Variants in LRMDA observed in about 807,000 individuals in gnomAD.
The protein encoded by LRMDA is leucine rich melanocyte differentiation associated, also known as leucine-rich melanocyte differentiation-associated protein.
LRMDA carries 18 observed loss-of-function variants against 29.8 expected under a neutral mutation model. The observed-to-expected ratio is 0.60, with a 90% CI of 0.42 to 0.90. The LOEUF is 0.90. Ranked by LOEUF, LRMDA falls within the 40% of genes least tolerant of loss-of-function variation. The pLI, the probability that LRMDA is intolerant of heterozygous loss-of-function variation, is 0.00. For synonymous variants in LRMDA, 125 were observed against 109.4 expected (o/e 1.14, Z -0.89); for missense variants, 273 against 273.9 (o/e 1.00, Z 0.02).
At chr10:75,639,119 T>C (rs1467110942) in intron 2 of LRMDA, among the ~76,000 whole-genome samples, 2 of 152,206 alleles carry the variant, frequency 1.3e-5, no homozygotes, top group African/African-American at 4.8e-5. Flanking sequence ...TGCTCAGAGC[T>C]AGAGAAAACC....
At position 76,559,978 on chromosome 10, in the gene LRMDA, C is replaced by A. The variant is rs1843603518; in HGVS notation, c.*2690C>A. ...AATAATGTCTTGGATTGTGGGGAAT[C>A]CTATTAAAAGTACAACTATTGCAGT... On this transcript the variant is annotated 3_prime_UTR_variant, in exon 7 of 7. Transcript: ENST00000611255. 1 of 152,162 alleles carries A rather than the reference C, an allele frequency of 6.6e-6. No homozygotes were observed. The highest frequency in any genetic ancestry group is 6.5e-5 in the Admixed American group (1 of 15,268). The allele number at this position is 152,162 out of a possible 1,614,324, so 9.4% of individuals were successfully genotyped here. A position where few individuals can be genotyped will look rare whatever the true frequency, so the allele number is the denominator to read the frequency against.
intron 2 of LRMDA, among the ~76,000 whole-genome samples, chr10:75,535,743 T>G (rs1839937371): frequency 6.6e-6 from 1 of 152,204 alleles, no homozygotes; most frequent in African/African-American, 2.4e-5. Flanking sequence ...CCATTTTGGA[T>G]AAAGTTGAAG....
intron 6 of LRMDA, among the ~76,000 whole-genome samples, chr10:76,532,186 C>T (rs1211883161): frequency 2.0e-5 from 3 of 152,084 alleles, no homozygotes; most frequent in Non-Finnish European, 4.4e-5. Context: ...ACTCCCATAC[C>T]CCCCGACAGG....
At chr10:76,177,782 A>G (rs1353500399) in intron 5 of LRMDA, among the ~76,000 whole-genome samples, 1 of 152,228 alleles carries the variant, frequency 6.6e-6, no homozygotes, top group African/African-American at 2.4e-5. Context: ...GAGAACCAGC[A>G]TAGGTTGAAT....
At chr10:75,839,726 T>TTTTTTA (rs1844503311) in intron 2 of LRMDA, among the ~76,000 whole-genome samples, 1 of 135,342 alleles carries the variant, frequency 7.4e-6, no homozygotes, top group African/African-American at 2.9e-5. Context: ...TTTTTTTTTT[T>TTTTTTA]GAGACAGAGT....
intron 6 of LRMDA, among the ~76,000 whole-genome samples, chr10:76,486,357 G>A (rs1303754786): frequency 3.3e-5 from 5 of 151,844 alleles, no homozygotes; most frequent in African/African-American, 1.2e-4. Context: ...TCTAGGACTT[G>A]GGCCATGGAT....
intron 3 of LRMDA, among the ~76,000 whole-genome samples, chr10:76,045,939 A>T (rs1218893029): frequency 3.3e-5 from 5 of 152,222 alleles, no homozygotes; most frequent in Admixed American, 3.3e-4. Flanking sequence ...CCAAGGTTAG[A>T]TAACATCCTC....
Position 75,470,155 on chromosome 10 carries a change from A to G in LRMDA, c.131+31661A>G, listed in dbSNP as rs573320237. ...TTTGTATTAGGGTTGAGTTGCCAGA[A>G]TAAGTTCTGCCTACGTTGCATTTAT... On this transcript the variant is annotated intron_variant, in intron 2 of 6. Coordinates refer to ENST00000611255, the MANE Select transcript of LRMDA (RefSeq NM_001305581.2). Among the ~76,000 whole-genome samples, 5 of 152,326 alleles carry G rather than the reference A, an allele frequency of 3.3e-5. No individual in the cohort carries two copies. The East Asian group carries it at 7.7e-4, about 23-fold the overall frequency.
intron 2 of LRMDA, among the ~76,000 whole-genome samples, chr10:75,759,974 C>G (rs1843076275): frequency 6.6e-6 from 1 of 152,154 alleles, no homozygotes; most frequent in South Asian, 2.1e-4. Context: ...AAGTTATACT[C>G]AGACCAATTC....
chr10:76,470,103 C>G (rs1325743522), intron 6 of LRMDA, among the ~76,000 whole-genome samples: 1 of 152,032 alleles, frequency 6.6e-6, no homozygotes, highest in Non-Finnish European at 1.5e-5. Flanking sequence ...AACTCTCTTT[C>G]AAATATGAAG....
At chr10:75,737,033 T>G (rs1842771964) in intron 2 of LRMDA, among the ~76,000 whole-genome samples, 1 of 151,854 alleles carries the variant, frequency 6.6e-6, no homozygotes, top group Non-Finnish European at 1.5e-5. Context: ...CTCCCTTCCT[T>G]TGTATACACA....
chr10:76,127,721 C>T (rs1849910541), intron 5 of LRMDA, among the ~76,000 whole-genome samples: 1 of 151,968 alleles, frequency 6.6e-6, no homozygotes, highest in African/African-American at 2.4e-5. Context: ...GAAGTCTGCA[C>T]TCAGATTGCC....
At chr10:76,351,924 A>G (rs1005718137) in intron 6 of LRMDA, among the ~76,000 whole-genome samples, 6 of 152,172 alleles carry the variant, frequency 3.9e-5, no homozygotes, top group African/African-American at 1.2e-4. Flanking sequence ...TCTAGGGGAC[A>G]GAGTACAGGA....
At chr10:76,143,861 A>T (rs1012918481) in intron 5 of LRMDA, among the ~76,000 whole-genome samples, 2 of 152,198 alleles carry the variant, frequency 1.3e-5, no homozygotes, top group African/African-American at 4.8e-5. Context: ...TCTTGAATTA[A>T]TTTTTGTATA....
At chr10:75,786,380 T>C (rs974101298) in intron 2 of LRMDA, among the ~76,000 whole-genome samples, 1 of 152,178 alleles carries the variant, frequency 6.6e-6, no homozygotes, top group East Asian at 1.9e-4. Context: ...TATTTATTGA[T>C]GCATTTTTCT....
chr10:75,838,568 G>A (rs1389584240), intron 2 of LRMDA, among the ~76,000 whole-genome samples: 5 of 152,120 alleles, frequency 3.3e-5, no homozygotes, highest in Non-Finnish European at 7.3e-5. Flanking sequence ...TTTCAGGGAT[G>A]AAAAAGTCAA....
At chr10:75,476,255 G>T (rs941965875) in intron 2 of LRMDA, among the ~76,000 whole-genome samples, 1 of 152,068 alleles carries the variant, frequency 6.6e-6, no homozygotes, top group Admixed American at 6.6e-5. Flanking sequence ...TGTGAACTTG[G>T]GGCCCTAAAT....
intron 2 of LRMDA, among the ~76,000 whole-genome samples, chr10:75,772,683 G>A (rs1480365156): frequency 6.6e-6 from 1 of 152,146 alleles, no homozygotes; most frequent in African/African-American, 2.4e-5. Context: ...CTATTAAAAT[G>A]TAAGTACCTA....
chr10:75,663,261 G>A (rs1263353535), intron 2 of LRMDA, among the ~76,000 whole-genome samples: 1 of 152,162 alleles, frequency 6.6e-6, no homozygotes, highest in Non-Finnish European at 1.5e-5. Context: ...ATGGGCCAAG[G>A]CTGTACTTCT....
Sources: gnomAD v4.1 joint callset for allele counts (sites outside exome capture counted in the v4.1 genomes callset) on GRCh38, gnomAD v4.1.1 for gene constraint, MANE v1.5 for transcripts, NCBI Gene and HGNC (gene_info 2026-07-23, HGNC 2026-07-21) for gene names.